Variants in MAPKAP1 observed in about 807,000 individuals in gnomAD.
MAPKAP1 encodes target of rapamycin complex 2 subunit MAPKAP1.
MAPKAP1 carries 20 observed loss-of-function variants against 65.7 expected under a neutral mutation model. That is an observed-to-expected ratio of 0.30 (90% confidence interval 0.21 to 0.44). The LOEUF is 0.44. Ranked by LOEUF, MAPKAP1 falls within the 20% of genes least tolerant of loss-of-function variation. The pLI, the probability that MAPKAP1 is intolerant of heterozygous loss-of-function variation, is 1.00. For missense variants in MAPKAP1, 423 were observed against 648.0 expected, an observed-to-expected ratio of 0.65 and a Z score of 3.77; for synonymous variants, 222 against 244.3, an observed-to-expected ratio of 0.91 and a Z score of 0.85.
chr9:125,446,745 G>A (rs898600375), intron 10 of MAPKAP1, among the ~76,000 whole-genome samples: 4 of 152,136 alleles, frequency 2.6e-5, no homozygotes, highest in African/African-American at 9.7e-5. Context: ...CCGAAGCTTC[G>A]GGGTTCACTG....
At position 125,468,039 on chromosome 9, in the gene MAPKAP1, C is replaced by T. The variant is rs535448707; in HGVS notation, c.1278G>A (p.Lys426=). The T allele has an allele frequency of 6.2e-6, 10 of 1,614,222 alleles. No homozygotes were observed. In the East Asian group the frequency reaches 1.6e-4, roughly 25 times the overall value. The change falls in exon 10 of 12, where the codon AAG becomes AAA. Residue 426 remains lysine, a synonymous_variant. Transcript: ENST00000265960. ...CGGAATCGATTGAGATGGGTTTCTG[C>T]TTAATCCAAAACTTAGTGCTGGCTT... ...NQKASTKFWI[K]QKPISIDSDL...
chr9:125,494,254 T>A (rs1854850566), intron 8 of MAPKAP1, among the ~76,000 whole-genome samples: 1 of 152,044 alleles, frequency 6.6e-6, no homozygotes. Context: ...TTTTTGCTGG[T>A]CTCTAAAAAA....
chr9:125,519,654 A>T lies in MAPKAP1; in HGVS notation c.959-13237T>A, dbSNP rs565466089. 9.0e-5 allele frequency among the ~76,000 whole-genome samples: 13 copies of T among 144,340 alleles called. No individual in the cohort carries two copies. The East Asian group carries it at 1.8e-3, about 20-fold the overall frequency. The allele number at this position is 144,340 out of a possible 152,430, so 94.7% of individuals were successfully genotyped here. A position where few individuals can be genotyped will look rare whatever the true frequency, so the allele number is the denominator to read the frequency against. ...ATATATATACATATATATGTCTTTT[A>T]TATATATATATATATATAATTTAAA... is the stretch of plus-strand genomic sequence containing the variant. On this transcript the variant is annotated intron_variant, in intron 7 of 11. Coordinates refer to ENST00000265960, the MANE Select transcript of MAPKAP1 (RefSeq NM_001006617.3).
At chr9:125,649,826 GA>G in intron 4 of MAPKAP1, among the ~76,000 whole-genome samples, 1 of 148,400 alleles carries the variant, frequency 6.7e-6, no homozygotes, top group Non-Finnish European at 1.5e-5. Context: ...AAGAAAAGAA[GA>G]AAATAAGAAT....
At chr9:125,637,112 T>C (rs1833446916) in intron 4 of MAPKAP1, among the ~76,000 whole-genome samples, 1 of 151,912 alleles carries the variant, frequency 6.6e-6, no homozygotes, top group Non-Finnish European at 1.5e-5. Context: ...CTACTAAAAA[T>C]ACAAAAGTTA....
At position 125,696,028 on chromosome 9, in the gene MAPKAP1, A is replaced by G. The variant is rs550661212; in HGVS notation, c.-70+10943T>C. 3.3e-5 allele frequency among the ~76,000 whole-genome samples: 5 copies of G among 152,308 alleles called. No individual in the cohort carries two copies. The South Asian group carries it at 8.3e-4, about 25-fold the overall frequency. ...CTGTGCCCAGCCTGAAACTATTTCAATTATAAAGTATATGATAATTAGAAA... is the reference window on the plus strand; with the variant it reads ...CTGTGCCCAGCCTGAAACTATTTCAGTTATAAAGTATATGATAATTAGAAA... On this transcript the variant is annotated intron_variant, in intron 1 of 11. Coordinates refer to ENST00000265960, the MANE Select transcript of MAPKAP1 (RefSeq NM_001006617.3).
intron 1 of MAPKAP1, among the ~76,000 whole-genome samples, chr9:125,691,117 C>T (rs963184324): frequency 6.6e-6 from 1 of 152,038 alleles, no homozygotes; most frequent in African/African-American, 2.4e-5. Flanking sequence ...AAAAATTAGC[C>T]GGGCGTGGTG....
intron 5 of MAPKAP1, among the ~76,000 whole-genome samples, chr9:125,576,443 T>C (rs1031846428): frequency 6.6e-6 from 1 of 152,174 alleles, no homozygotes; most frequent in Admixed American, 6.5e-5. Context: ...CTCTAAAAAA[T>C]AGTCGATTAA....
At chr9:125,639,673 C>T (rs887796747) in intron 4 of MAPKAP1, among the ~76,000 whole-genome samples, 3 of 152,140 alleles carry the variant, frequency 2.0e-5, no homozygotes, top group Non-Finnish European at 4.4e-5. Flanking sequence ...GAGGAGGCCA[C>T]TCTCAGATGA....
chr9:125,560,531 C>T (rs1830862524), intron 5 of MAPKAP1, among the ~76,000 whole-genome samples: 1 of 152,144 alleles, frequency 6.6e-6, no homozygotes, highest in Non-Finnish European at 1.5e-5. Flanking sequence ...CTGCAGTGAG[C>T]TATGATGGTG....
chr9:125,526,498 A>G (rs576737473), intron 7 of MAPKAP1, among the ~76,000 whole-genome samples: 1 of 152,362 alleles, frequency 6.6e-6, no homozygotes, highest in East Asian at 1.9e-4. Context: ...GAATCACAAT[A>G]CACTGACTAT....
rs377749826 is a variant in MAPKAP1, at chr9:125,663,588, A to G, written c.350-5789T>C. On this transcript the variant is annotated intron_variant, in intron 3 of 11. Transcript: ENST00000265960. ...AGACAAGGACTTTGTCTTGTTCACT[A>G]TTTGTTGAAGGAATAATTTATTATT... Among the ~76,000 whole-genome samples the G allele has an allele frequency of 1.2e-4, 18 of 152,106 alleles. No homozygotes were observed. In the East Asian group the frequency reaches 1.5e-3, roughly 13 times the overall value.
chr9:125,674,235 TG>T lies in MAPKAP1; in HGVS notation c.-69-1593del, dbSNP rs1447051108. On this transcript the variant is annotated intron_variant, in intron 1 of 11. Coordinates refer to ENST00000265960, the MANE Select transcript of MAPKAP1 (RefSeq NM_001006617.3). ...CAGGTAAAATGCTCAAAAAAATACA[TG>T]GCATGTAATTAAATAAATGTTAGCT... 5.3e-5 allele frequency among the ~76,000 whole-genome samples: 8 copies of T among 151,976 alleles called. No homozygotes were observed. The South Asian group carries it at 1.0e-3, about 20-fold the overall frequency.
intron 8 of MAPKAP1, among the ~76,000 whole-genome samples, chr9:125,502,808 CT>C (rs775416558): frequency 5.3e-5 from 8 of 152,128 alleles, no homozygotes; most frequent in Non-Finnish European, 1.2e-4. Flanking sequence ...TTAAGTTTAA[CT>C]GTTGTTTTAA....
intron 1 of MAPKAP1, among the ~76,000 whole-genome samples, chr9:125,680,163 T>C (rs1194526676): frequency 6.6e-6 from 1 of 152,054 alleles, no homozygotes; most frequent in Non-Finnish European, 1.5e-5. Context: ...TTAAAGCTAA[T>C]TCCTGTACAG....
At chr9:125,700,092 C>G (rs1835550071) in intron 1 of MAPKAP1, among the ~76,000 whole-genome samples, 3 of 152,206 alleles carry the variant, frequency 2.0e-5, no homozygotes, top group African/African-American at 7.2e-5. Flanking sequence ...CTGACAAAGC[C>G]AATAATCAAA....
chr9:125,448,896 T>C (rs1020604594), intron 10 of MAPKAP1, among the ~76,000 whole-genome samples: 11 of 151,646 alleles, frequency 7.3e-5, no homozygotes, highest in Admixed American at 2.0e-4. Flanking sequence ...TCCCAGCTAC[T>C]TGGGAGGCTG....
At chr9:125,647,064 A>C (rs975180378) in intron 4 of MAPKAP1, among the ~76,000 whole-genome samples, 3 of 152,192 alleles carry the variant, frequency 2.0e-5, no homozygotes, top group African/African-American at 7.2e-5. Context: ...TCTTTATCTG[A>C]CACTAATACT....
intron 2 of MAPKAP1, among the ~76,000 whole-genome samples, 172 bp downstream of exon 2, chr9:125,672,144 G>A (rs1168645380): frequency 6.6e-6 from 1 of 151,976 alleles, no homozygotes; most frequent in Non-Finnish European, 1.5e-5. Context: ...CTCTCCATTC[G>A]CAGTCGCAGA....
Sources: allele counts gnomAD v4.1 joint callset (sites outside exome capture counted in the v4.1 genomes callset), GRCh38; gene constraint gnomAD v4.1.1; transcripts MANE v1.5; gene names NCBI Gene and HGNC (gene_info 2026-07-23, HGNC 2026-07-21).